The following SCARF1 variants were observed in gnomAD, a reference collection of about 807,000 sequenced individuals.
SCARF1 encodes acetyl LDL receptor.
SCARF1 carries 49 observed loss-of-function variants against 76.3 expected under a neutral mutation model. The observed-to-expected ratio is 0.64, with a 90% CI of 0.51 to 0.81. SCARF1 has a LOEUF of 0.81. SCARF1 is among the 40% of genes least tolerant of loss of function. The pLI, the probability that SCARF1 is intolerant of heterozygous loss-of-function variation, is 0.00. For missense variants in SCARF1, 1,098 were observed against 1,143.9 expected (o/e 0.96, Z 0.58); for synonymous variants, 495 against 474.6 (o/e 1.04, Z -0.56).
At position 1,634,044 on chromosome 17, in the gene SCARF1, C is replaced by A. The variant is rs932738674; in HGVS notation, c.*714G>T. 2.0e-5 allele frequency: 3 copies of A among 152,010 alleles called. No homozygotes were observed. The highest frequency in any genetic ancestry group is 7.3e-5 in the African/African-American group (3 of 41,368). The allele number at this position is 152,010 out of a possible 1,614,324, so 9.4% of individuals were successfully genotyped here. On this transcript the variant is annotated 3_prime_UTR_variant, in exon 11 of 11. Transcript: ENST00000263071. ...CAATCTCATCTTCCAGAGGAAAAAA[C>A]CATTTAGTGCCTTTCCCTTGAATCT...
In SCARF1 at chr17:1,645,622, C is replaced by T. The variant is rs764941214; in HGVS notation, c.76G>A (p.Gly26Arg). 1 of 1,608,524 alleles carries T rather than the reference C, an allele frequency of 6.2e-7. No homozygotes were observed. Among genetic ancestry groups the T allele is most frequent in the South Asian group, 1.1e-5 (1 of 90,638 alleles). ...GTQGSELDPK[G>R]QHVCVASSPS... is the part of the protein sequence containing the mutation. ...CTGCTGGCCACACAGACGTGCTGCC[C>T]TTTGGGGTCCAGCTCGGACCCCTGA... Residue 26 changes from glycine (G) to arginine (R), a missense_variant, in exon 1 of 11, where the codon GGG (glycine) becomes AGG (arginine). By Grantham distance (125) the Gly-to-Arg change is moderately radical (BLOSUM62 -2). Transcript: ENST00000263071. The surrounding 1 kb of genome is among the most constrained non-coding windows in gnomAD (Gnocchi z 6.3).
rs1909869833 is a variant in SCARF1 at position 1,639,633 on chromosome 17, C to T, written c.1243+6G>A. On this transcript the variant is annotated splice_donor_region_variant and intron_variant, in intron 7 of 10. Transcript: ENST00000263071. ...TACTGCACCCCGCAGCCTTCTTCCACCTTACCTGGCTGGCAGGACCCAGAG... is the reference window on the plus strand; with the variant it reads ...TACTGCACCCCGCAGCCTTCTTCCATCTTACCTGGCTGGCAGGACCCAGAG... The T allele has an allele frequency of 1.3e-6, 2 of 1,556,748 alleles. No individual in the cohort carries two copies. The highest frequency in any genetic ancestry group is 2.0e-5 in the Admixed American group (1 of 51,192).
At position 1,645,721 on chromosome 17, in the gene SCARF1, T is replaced by G; in HGVS notation, c.-24A>C. On this transcript the variant is annotated 5_prime_UTR_variant, in exon 1 of 11. Coordinates refer to ENST00000263071, the MANE Select transcript of SCARF1 (RefSeq NM_003693.4). The surrounding 1 kb of genome is among the most constrained non-coding windows in gnomAD (Gnocchi z 6.3). ...ATGGCAGGCAGCTCGGTGGGAGCGC[T>G]CGGGTTCGTCTGGCCCCCACAGCTC... The G allele has an allele frequency of 6.4e-7, 1 of 1,572,026 alleles. No individual in the cohort carries two copies. The highest frequency in any genetic ancestry group is 8.6e-7 in the Non-Finnish European group (1 of 1,163,122).
In SCARF1 at chr17:1,645,045, C is replaced by T. The variant is rs1910419613; in HGVS notation, c.164-110G>A. 1 of 1,526,168 alleles carries T rather than the reference C, an allele frequency of 6.6e-7. No individual in the cohort carries two copies. Among genetic ancestry groups the T allele is most frequent in the African/African-American group, 1.4e-5 (1 of 73,306 alleles). The allele number at this position is 1,526,168 out of a possible 1,614,324, so 94.5% of individuals were successfully genotyped here. ...CTCCTCAAGAGGTGCCCCTTCAGGCCTGGGGGTGCGTCACAGGAGAAACCC... is the reference window on the plus strand; with the variant it reads ...CTCCTCAAGAGGTGCCCCTTCAGGCTTGGGGGTGCGTCACAGGAGAAACCC... On this transcript the variant is annotated intron_variant, in intron 2 of 10. Transcript: ENST00000263071. The surrounding 1 kb of genome is among the most constrained non-coding windows in gnomAD (Gnocchi z 6.3).
In SCARF1 at chr17:1,639,941, A is replaced by C; in HGVS notation, c.1110T>G (p.Cys370Trp). The C allele has an allele frequency of 6.2e-7, 1 of 1,614,012 alleles. No individual in the cohort carries two copies. Among genetic ancestry groups the C allele is most frequent in the Non-Finnish European group, 8.5e-7 (1 of 1,179,974 alleles). The change falls in exon 6 of 11, where the codon TGT becomes TGG. Residue 370 changes from cysteine (C) to tryptophan (W), a missense_variant. Transcript: ENST00000263071. ...GCCCCCAGTAGCCGGCACTGCAGAC[A>C]CAGTCCCCTGTCACAGTATCACAGG... Reference protein sequence around the residue: ...QGSCDTVTGDCVCSAGYWGPS... With the variant: ...QGSCDTVTGDWVCSAGYWGPS...
chr17:1,643,907 C>A lies in SCARF1; in HGVS notation c.326G>T (p.Gly109Val). The A allele has an allele frequency of 7.5e-7, 1 of 1,341,324 alleles. No homozygotes were observed. 83.1% of individuals were successfully genotyped at this position (1,341,324 alleles called of 1,614,324 possible). ...CGCGCCCGTGGCTGGCTCGCACTGG[C>A]CGTGCGGGTGGCAGGGGCAGCTCTC... ...CRESCPCHPH[G>V]QCEPATGACQ... The change falls in exon 4 of 11, where the codon GGC becomes GTC. Residue 109 changes from glycine (G) to valine (V), a missense_variant. Transcript: ENST00000263071.
In SCARF1 at chr17:1,643,528, G is replaced by T. The variant is rs1910264280; in HGVS notation, c.705C>A (p.Gly235=). ...CVRGRCSAAS[G]ECTCPPGFRG... is the part of the protein sequence containing the mutation. The stretch of plus-strand genomic sequence containing the variant: ...GGAAGCCGGGCGGGCAGGTGCACTC[G>T]CCGGAGGCGGCGCTGCAGCGGCCCC... Residue 235 remains glycine, a synonymous_variant, in exon 4 of 11, where the codon GGC becomes GGA. Transcript: ENST00000263071. The T allele has an allele frequency of 1.4e-6, 2 of 1,401,370 alleles. No homozygotes were observed. Among genetic ancestry groups the T allele is most frequent in the African/African-American group, 3.0e-5 (2 of 66,494 alleles). 86.8% of individuals were successfully genotyped at this position (1,401,370 alleles called of 1,614,324 possible).
rs371673485 is a variant in SCARF1 at position 1,635,473 on chromosome 17, G to A, written c.1778C>T (p.Ala593Val). Residue 593 changes from alanine (A) to valine (V), a missense_variant, in exon 11 of 11, where the codon GCG becomes GTG. By Grantham distance (64) the Ala-to-Val change is moderately conservative. Transcript: ENST00000263071. ...CTGTGGTGCAAACTTGGTACCTTCC[G>A]CGAAGGAGACCGATGGCCGCTTGGC... The part of the protein sequence containing the change: ...ARAKRPSVSF[A>V]EGTKFAPQSR... 57 of 1,613,928 alleles carry A rather than the reference G, an allele frequency of 3.5e-5. No individual in the cohort carries two copies. The highest frequency in any genetic ancestry group is 1.6e-4 in the Middle Eastern group (1 of 6,084).
rs115424818 is a variant in SCARF1, at chr17:1,642,132, T to C, written c.791+1310A>G. Among the ~76,000 whole-genome samples, 1,028 of 152,062 alleles carry C rather than the reference T, an allele frequency of 6.8e-3. 14 individuals carry two copies. The highest frequency in any genetic ancestry group is 0.023 in the African/African-American group (969 of 41,534). On this transcript the variant is annotated intron_variant, in intron 4 of 10. Transcript: ENST00000263071. ...TCACTCGATCCACTTATTTATTATT[T>C]TTTTTGTAAGAAACCATTTTTTTAA... is the stretch of plus-strand genomic sequence containing the variant.
At chr17:1,638,057 T>C (rs898798600) in intron 8 of SCARF1, 1 of 152,012 alleles carries the variant, frequency 6.6e-6, no homozygotes, top group African/African-American at 2.4e-5. Context: ...TCCAAAAAGG[T>C]GGAGAGGGGC....
rs751813163 is a variant in SCARF1 at position 1,634,851 on chromosome 17, T to G, written c.2400A>C (p.Pro800=). The G allele has an allele frequency of 2.5e-6, 4 of 1,614,116 alleles. No homozygotes were observed. In the Admixed American group the frequency reaches 6.7e-5, roughly 27 times the overall value. Residue 800 remains proline, a synonymous_variant, in exon 11 of 11, where the codon CCA becomes CCC. Coordinates refer to ENST00000263071, the MANE Select transcript of SCARF1 (RefSeq NM_003693.4). The part of the protein sequence containing the change: ...AQEPVSGCGS[P]EQDPQKQAEE... ...CAGCCTGCTTCTGGGGATCCTGTTC[T>G]GGGGAGCCACAGCCAGAGACTGGCT...
At position 1,644,444 on chromosome 17, in the gene SCARF1, C is replaced by T. The variant is rs1182428424; in HGVS notation, c.265+390G>A. 1 of 318,004 alleles carries T rather than the reference C, an allele frequency of 3.1e-6. No homozygotes were observed. Among genetic ancestry groups the T allele is most frequent in the Non-Finnish European group, 5.9e-6 (1 of 170,670 alleles). 19.7% of individuals were successfully genotyped at this position (318,004 alleles called of 1,614,324 possible). A position where few individuals can be genotyped will look rare whatever the true frequency, so the allele number is the denominator to read the frequency against. On this transcript the variant is annotated intron_variant, in intron 3 of 10. Coordinates refer to ENST00000263071, the MANE Select transcript of SCARF1 (RefSeq NM_003693.4). This position sits in a 1 kb window ranked among gnomAD's most constrained non-coding sequence, Gnocchi z 4.8. The stretch of plus-strand genomic sequence containing the variant: ...CTCTGGCTCTCCTGCTTCCCAACCC[C>T]TTTCCCTTCCCTCTCTTTCTGCCAG...
chr17:1,637,656 G>C (rs925082200), intron 8 of SCARF1, among the ~76,000 whole-genome samples: 3 of 152,100 alleles, frequency 2.0e-5, no homozygotes, highest in African/African-American at 7.2e-5. Flanking sequence ...ATTTTTAGTA[G>C]AGACGGGGTT....
intron 8 of SCARF1, among the ~76,000 whole-genome samples, chr17:1,637,521 G>A (rs1909687675): frequency 6.6e-6 from 1 of 151,970 alleles, no homozygotes; most frequent in East Asian, 1.9e-4. Context: ...TGCCCAGGCT[G>A]GAGTGCAGTG....
rs1321510222 is a variant in SCARF1, at chr17:1,638,838, G to C, written c.1332C>G (p.Cys444Trp). 6.2e-7 allele frequency: 1 copy of C among 1,610,360 alleles called. No homozygotes were observed. ...TGAGGTCTGATCGGGGGGCCCAGCA[G>C]CAGCAGGCACAGCAGGCAAGGCCCA... ...LFLGLACCAC[C>W]CWAPRSDLKD... Residue 444 changes from cysteine to tryptophan, a missense_variant, in exon 8 of 11, where the codon TGC becomes TGG. Transcript: ENST00000263071.
Position 1,640,011 on chromosome 17 carries a change from A to G in SCARF1, c.1040T>C (p.Phe347Ser), listed in dbSNP as rs1012410500. The change falls in exon 6 of 11, where the codon TTT becomes TCT. Residue 347 changes from phenylalanine (F) to serine (S), a missense_variant. By Grantham distance (155) the Phe-to-Ser change is radical. Transcript: ENST00000263071. This position sits in a 1 kb window ranked among gnomAD's most constrained non-coding sequence, Gnocchi z 4.7. ...RCEDPCPTGT[F>S]GEDCGSTCPT... The stretch of plus-strand genomic sequence containing the variant: ...GCAGGTAGAGCCACAGTCTTCCCCA[A>G]AGGTACCAGTGGGGCAGGGGTCTTC... 1.2e-6 allele frequency: 2 copies of G among 1,613,708 alleles called. No homozygotes were observed. Among genetic ancestry groups the G allele is most frequent in the African/African-American group, 1.3e-5 (1 of 74,918 alleles).
At chr17:1,642,273 T>C (rs145220082) in intron 4 of SCARF1, among the ~76,000 whole-genome samples, 4,532 of 152,002 alleles carry the variant, frequency 0.03, 82 homozygotes, top group Middle Eastern at 0.051. Context: ...CATGTTGGTG[T>C]GCTGCACCCA....
At chr17:1,642,812 G>T (rs926360411) in intron 4 of SCARF1, among the ~76,000 whole-genome samples, 2 of 152,198 alleles carry the variant, frequency 1.3e-5, no homozygotes, top group African/African-American at 4.8e-5. Flanking sequence ...CAGGGCTCAA[G>T]CGATTCTCCT....
Position 1,640,188 on chromosome 17 carries a change from A to T in SCARF1, c.1011-148T>A. ...AAGCTCAGGTGCAAATAGGGCCTTG[A>T]ACTTGGGGCCAAATCCAGCAGGTGA... On this transcript the variant is annotated intron_variant, in intron 5 of 10. Transcript: ENST00000263071. The surrounding 1 kb of genome is among the most constrained non-coding windows in gnomAD (Gnocchi z 4.7). The T allele has an allele frequency of 3.1e-6, 3 of 957,558 alleles. No homozygotes were observed. Among genetic ancestry groups the T allele is most frequent in the Non-Finnish European group, 4.6e-6 (3 of 656,114 alleles). The allele number at this position is 957,558 out of a possible 1,614,324, so 59.3% of individuals were successfully genotyped here. A position where few individuals can be genotyped will look rare whatever the true frequency, so the allele number is the denominator to read the frequency against.
Sources: gnomAD v4.1 joint callset for allele counts (sites outside exome capture counted in the v4.1 genomes callset) on GRCh38, gnomAD v4.1.1 for gene constraint, Gnocchi (gnomAD v3.1) non-coding constraint, MANE v1.5 for transcripts, NCBI Gene and HGNC (gene_info 2026-07-23, HGNC 2026-07-21) for gene names.